Variants in SMCHD1 observed in about 807,000 individuals in gnomAD.
The protein encoded by SMCHD1 is structural maintenance of chromosomes flexible hinge domain-containing protein 1.
Under a neutral mutation model 254.7 loss-of-function variants are expected in SMCHD1, and 78 were observed. The ratio of observed to expected loss-of-function variants is 0.31; its 90% CI spans 0.26 to 0.37. The LOEUF (loss-of-function observed/expected upper bound fraction) is 0.37, where lower values mean the gene tolerates loss of function less well. Among genes scored for constraint, SMCHD1 ranks in the 10% least tolerant of loss-of-function variants. SMCHD1 has a pLI of 1.00. For missense variants in SMCHD1, 1,840 were observed against 2,408.1 expected (o/e 0.76, Z 4.94); for synonymous variants, 766 against 794.9 (o/e 0.96, Z 0.61).
intron 47 of SMCHD1, among the ~76,000 whole-genome samples, chr18:2,797,939 G>A (rs1488186505): frequency 6.6e-6 from 1 of 151,936 alleles, no homozygotes; most frequent in Non-Finnish European, 1.5e-5. Context: ...AAGAAAATAG[G>A]GAATGAAAAA....
At position 2,763,945 on chromosome 18, in the gene SMCHD1, C is replaced by T. The variant is rs899817260; in HGVS notation, c.4719+156C>T. ...GAAATATTTTCTGTTTTTGCTATTA[C>T]AAATTGAACCCAAGATCTTTATAAG... is the stretch of plus-strand genomic sequence containing the variant. On this transcript the variant is annotated intron_variant, in intron 37 of 47. Transcript: ENST00000320876. The T allele has an allele frequency of 8.2e-5, 52 of 637,710 alleles. No homozygotes were observed. In the South Asian group the frequency reaches 1.1e-3, roughly 14 times the overall value. The allele number at this position is 637,710 out of a possible 1,614,324, so 39.5% of individuals were successfully genotyped here.
At chr18:2,656,987 G>A (rs2073087265) in intron 1 of SMCHD1, among the ~76,000 whole-genome samples, 1 of 152,204 alleles carries the variant, frequency 6.6e-6, no homozygotes, top group African/African-American at 2.4e-5. Flanking sequence ...AACGTGGAGG[G>A]AAATCCGCTT....
At chr18:2,785,860 CT>C (rs2143821148) in intron 45 of SMCHD1, among the ~76,000 whole-genome samples, 1 of 152,064 alleles carries the variant, frequency 6.6e-6, no homozygotes, top group African/African-American at 2.4e-5. Context: ...AGAGTTTGTC[CT>C]TTTGTGACTG....
intron 1 of SMCHD1, among the ~76,000 whole-genome samples, chr18:2,660,302 G>A (rs1360776677): frequency 6.6e-6 from 1 of 152,074 alleles, no homozygotes; most frequent in African/African-American, 2.4e-5. Flanking sequence ...TCTAGCCTGG[G>A]TGGCAGAGCG....
intron 32 of SMCHD1, 116 bp downstream of exon 32, chr18:2,750,623 C>A: frequency 1.4e-6 from 1 of 736,816 alleles, no homozygotes; most frequent in Non-Finnish European, 2.1e-6. Context: ...GACAGGGAAG[C>A]AAATGATTTC....
Position 2,744,137 on chromosome 18 carries a change from A to C in SMCHD1, c.3801+209A>C, listed in dbSNP as rs116108559. Among the ~76,000 whole-genome samples the C allele has an allele frequency of 4.2e-3, 641 of 152,292 alleles. 3 individuals are homozygous for C. Among genetic ancestry groups the C allele is most frequent in the African/African-American group, 0.015 (618 of 41,568 alleles). ...GTGTCCTCATTTGTTAAAAATAATG[A>C]GTGTAATAATTCAGATCTTAAAAAC... On this transcript the variant is annotated intron_variant, in intron 29 of 47. Coordinates refer to ENST00000320876, the MANE Select transcript of SMCHD1 (RefSeq NM_015295.3).
intron 35 of SMCHD1, among the ~76,000 whole-genome samples, chr18:2,761,759 A>C (rs1326506210): frequency 6.6e-6 from 1 of 152,206 alleles, no homozygotes; most frequent in African/African-American, 2.4e-5. Context: ...CGGAGGTTGC[A>C]GTGAGCAGAG....
intron 45 of SMCHD1, among the ~76,000 whole-genome samples, chr18:2,794,491 G>C (rs1007205075): frequency 6.6e-6 from 1 of 152,152 alleles, no homozygotes; most frequent in African/African-American, 2.4e-5. Context: ...GGGTGACAGA[G>C]TGAGACCGTA....
At chr18:2,796,218 C>A (rs757763261) in intron 46 of SMCHD1, 111 bp downstream of exon 46, 5 of 1,083,892 alleles carry the variant, frequency 4.6e-6, no homozygotes, top group Non-Finnish European at 5.2e-6. Context: ...CAGAACTTAA[C>A]AAAAACTCTT....
intron 5 of SMCHD1, among the ~76,000 whole-genome samples, chr18:2,684,667 A>C (rs1162490082): frequency 9.7e-6 from 1 of 103,626 alleles, no homozygotes; most frequent in Non-Finnish European, 2.2e-5. Context: ...TTTTGTTCCC[A>C]TTTTCTTTTT....
At chr18:2,708,202 A>T (rs1294703037) in intron 17 of SMCHD1, among the ~76,000 whole-genome samples, 3 of 152,204 alleles carry the variant, frequency 2.0e-5, no homozygotes, top group Non-Finnish European at 2.9e-5. Context: ...GAATTTCTAT[A>T]AGCATATATG....
chr18:2,718,080 T>C lies in SMCHD1; in HGVS notation c.2261-78T>C. On this transcript the variant is annotated intron_variant, in intron 17 of 47. Coordinates refer to ENST00000320876, the MANE Select transcript of SMCHD1 (RefSeq NM_015295.3). The surrounding 1 kb of genome is among the most constrained non-coding windows in gnomAD (Gnocchi z 4.6). Reference sequence around the variant, plus strand: ...TAAAATACAGCAAATAGGTATTTGGTGCCAATGTGACATTGCGTATTTCAT... The same window carrying C: ...TAAAATACAGCAAATAGGTATTTGGCGCCAATGTGACATTGCGTATTTCAT... 2 of 1,089,814 alleles carry C rather than the reference T, an allele frequency of 1.8e-6. No homozygotes were observed. The highest frequency in any genetic ancestry group is 2.3e-5 in the Admixed American group (1 of 42,682). The allele number at this position is 1,089,814 out of a possible 1,614,324, so 67.5% of individuals were successfully genotyped here.
At chr18:2,756,609 T>C (rs1390984388) in intron 34 of SMCHD1, among the ~76,000 whole-genome samples, 2 of 152,166 alleles carry the variant, frequency 1.3e-5, no homozygotes, top group African/African-American at 4.8e-5. Context: ...CTATCTTTTT[T>C]TTCTGAGACA....
intron 44 of SMCHD1, among the ~76,000 whole-genome samples, chr18:2,781,415 CTAG>C (rs1289882589): frequency 6.6e-6 from 1 of 152,178 alleles, no homozygotes; most frequent in Non-Finnish European, 1.5e-5. Context: ...ATGTGCTGGA[CTAG>C]TAGTATCCTT....
At chr18:2,695,590 G>A (rs532510909) in intron 8 of SMCHD1, among the ~76,000 whole-genome samples, 181 of 152,260 alleles carry the variant, frequency 1.2e-3, no homozygotes, top group African/African-American at 3.9e-3. Context: ...GATTACAGGC[G>A]TGAGCCATCG....
chr18:2,748,665 G>A (rs868495841), intron 30 of SMCHD1, among the ~76,000 whole-genome samples: 31 of 152,026 alleles, frequency 2.0e-4, no homozygotes, highest in African/African-American at 6.8e-4. Flanking sequence ...AAAGTGCTGG[G>A]ATTACAGGTG....
At chr18:2,742,731 C>T (rs12607213) in intron 28 of SMCHD1, among the ~76,000 whole-genome samples, 45,232 of 151,870 alleles carry the variant, frequency 0.3, 6,943 homozygotes, top group East Asian at 0.5. Context: ...GAGTGCAGTG[C>T]AGTGTTGTGA....
chr18:2,739,665 T>A, intron 27 of SMCHD1, 145 bp downstream of exon 27: 1 of 610,250 alleles, frequency 1.6e-6, no homozygotes, highest in Non-Finnish European at 2.8e-6. Flanking sequence ...TCAGATAAGA[T>A]TGAAGTATTT....
intron 23 of SMCHD1, chr18:2,728,815 A>C (rs996587661): frequency 6.9e-6 from 3 of 437,138 alleles, no homozygotes; most frequent in Non-Finnish European, 1.2e-5. Context: ...TGTGAATAAA[A>C]GTTTACTCAC....
Sources: gnomAD v4.1 joint callset for allele counts (sites outside exome capture counted in the v4.1 genomes callset) on GRCh38, gnomAD v4.1.1 for gene constraint, Gnocchi (gnomAD v3.1) non-coding constraint, MANE v1.5 for transcripts, NCBI Gene and HGNC (gene_info 2026-07-23, HGNC 2026-07-21) for gene names.